ATXN7L1: variants seen among roughly 807,000 people sequenced by gnomAD.
ATXN7L1 encodes the protein ataxin 7 like 1.
ATXN7L1 carries 15 observed loss-of-function variants against 70.8 expected under a neutral mutation model. That is an observed-to-expected ratio of 0.21 (90% CI 0.14 to 0.33). The LOEUF (loss-of-function observed/expected upper bound fraction) is 0.33, where lower values mean the gene tolerates loss of function less well. ATXN7L1 is among the 10% of genes least tolerant of loss of function. The probability of loss-of-function intolerance (pLI) is 1.00; values close to 1 mark genes in which losing one functional copy is unlikely to be tolerated. For synonymous variants in ATXN7L1, 440 were observed against 445.1 expected (o/e 0.99, Z 0.14); for missense variants, 975 against 1,097.1 (o/e 0.89, Z 1.57).
chr7:105,725,141 G>A (rs144546841), intron 3 of ATXN7L1, among the ~76,000 whole-genome samples: 2,429 of 152,188 alleles, frequency 0.016, 32 homozygotes, highest in Middle Eastern at 0.062. Context: ...ATCTTTTTGG[G>A]AAGACACAAT....
intron 2 of ATXN7L1, among the ~76,000 whole-genome samples, chr7:105,868,743 A>T (rs945430529): frequency 5.9e-5 from 9 of 152,086 alleles, no homozygotes; most frequent in African/African-American, 1.4e-4. Flanking sequence ...GAACATTATT[A>T]AAAAAAATAA....
intron 3 of ATXN7L1, among the ~76,000 whole-genome samples, chr7:105,754,049 T>C (rs1799502883): frequency 6.6e-6 from 1 of 152,184 alleles, no homozygotes; most frequent in Non-Finnish European, 1.5e-5. Context: ...CATGGGAGTA[T>C]TGTATAGCAC....
chr7:105,670,217 T>C (rs965286934), intron 3 of ATXN7L1, among the ~76,000 whole-genome samples: 18 of 152,174 alleles, frequency 1.2e-4, no homozygotes, highest in Non-Finnish European at 2.6e-4. Flanking sequence ...CAGGTGAGGT[T>C]TCTCTGAGTG....
At chr7:105,847,695 G>C (rs954159524) in intron 2 of ATXN7L1, among the ~76,000 whole-genome samples, 23 of 152,308 alleles carry the variant, frequency 1.5e-4, no homozygotes, top group Admixed American at 1.3e-4. Context: ...TCTTAAAAGA[G>C]CTTCTTAATT....
At chr7:105,620,087 C>T in intron 9 of ATXN7L1, 113 bp downstream of exon 9, 1 of 1,338,690 alleles carries the variant, frequency 7.5e-7, no homozygotes, top group Non-Finnish European at 1.0e-6. Flanking sequence ...ATCCTGACTT[C>T]AGAATCATTT....
intron 3 of ATXN7L1, among the ~76,000 whole-genome samples, chr7:105,733,537 TCCACCCA>T (rs1563048539): frequency 1.2e-4 from 13 of 106,972 alleles, no homozygotes; most frequent in African/African-American, 4.1e-4. Flanking sequence ...CATCCATCCA[TCCACCCA>T]TCCATCCATC....
intron 7 of ATXN7L1, among the ~76,000 whole-genome samples, chr7:105,636,455 CA>C (rs1308628860): frequency 0.024 from 3,545 of 149,044 alleles, 99 homozygotes; most frequent in Non-Finnish European, 0.042. Context: ...CTGCCCCCCC[CA>C]CCCCCACTTC....
At chr7:105,666,021 G>A (rs73717213) in intron 3 of ATXN7L1, among the ~76,000 whole-genome samples, 2,779 of 152,308 alleles carry the variant, frequency 0.018, 104 homozygotes, top group African/African-American at 0.062. Flanking sequence ...TTCACATTCT[G>A]TTAGCCACTG....
intron 5 of ATXN7L1, among the ~76,000 whole-genome samples, chr7:105,641,634 G>A (rs1174145387): frequency 6.6e-6 from 1 of 152,252 alleles, no homozygotes; most frequent in Non-Finnish European, 1.5e-5. Flanking sequence ...GGTTTTCTGG[G>A]GATGTTGCCA....
At chr7:105,812,571 G>A (rs1808585343) in intron 2 of ATXN7L1, among the ~76,000 whole-genome samples, 1 of 152,188 alleles carries the variant, frequency 6.6e-6, no homozygotes, top group Non-Finnish European at 1.5e-5. Flanking sequence ...AAACAAAGCA[G>A]GACAGGGGCA....
At chr7:105,872,135 G>A (rs555481217) in intron 2 of ATXN7L1, among the ~76,000 whole-genome samples, 1 of 152,044 alleles carries the variant, frequency 6.6e-6, no homozygotes, top group Non-Finnish European at 1.5e-5. Context: ...TGGGACTACA[G>A]GTGCGTGCCA....
At chr7:105,736,880 T>TC (rs1228560653) in intron 3 of ATXN7L1, among the ~76,000 whole-genome samples, 1 of 152,252 alleles carries the variant, frequency 6.6e-6, no homozygotes, top group African/African-American at 2.4e-5. Context: ...AACCTTTTTT[T>TC]CTCAAAGCTT....
intron 3 of ATXN7L1, chr7:105,760,184 A>G: frequency 1.0e-6 from 1 of 983,600 alleles, no homozygotes; most frequent in African/African-American, 1.7e-5. Context: ...CATCTATCCA[A>G]CCATCCACCC....
intron 3 of ATXN7L1, chr7:105,761,505 T>A (rs752411555): frequency 6.2e-7 from 1 of 1,605,336 alleles, no homozygotes; most frequent in Non-Finnish European, 8.5e-7. Context: ...CTGAATGGTA[T>A]CAACATGGCT....
At chr7:105,652,208 G>A (rs58398965) in intron 4 of ATXN7L1, among the ~76,000 whole-genome samples, 11,276 of 152,238 alleles carry the variant, frequency 0.074, 831 homozygotes, top group East Asian at 0.32. Context: ...TGTGTCTGCA[G>A]CAGTGTAGCC....
chr7:105,871,145 AAAGG>A (rs1485949019), intron 2 of ATXN7L1, among the ~76,000 whole-genome samples: 4 of 148,058 alleles, frequency 2.7e-5, no homozygotes, highest in Non-Finnish European at 5.9e-5. Context: ...ACTGCATCTC[AAAGG>A]AAGGTACATT....
At chr7:105,782,677 C>T (rs535727781) in intron 3 of ATXN7L1, among the ~76,000 whole-genome samples, 7 of 152,322 alleles carry the variant, frequency 4.6e-5, no homozygotes, top group African/African-American at 1.7e-4. Context: ...CGGCAGGGAA[C>T]GCAGAGAGAT....
chr7:105,801,951 CG>C (rs1220625558), intron 2 of ATXN7L1, among the ~76,000 whole-genome samples: 3 of 152,150 alleles, frequency 2.0e-5, no homozygotes, highest in African/African-American at 7.2e-5. Context: ...CCAAACTCGA[CG>C]GAATGTGGCC....
At chr7:105,613,521 T>G in intron 10 of ATXN7L1, 2 of 1,212,830 alleles carry the variant, frequency 1.6e-6, no homozygotes, top group South Asian at 4.2e-5. Flanking sequence ...CCTCAAAAGA[T>G]AAAACTGACC....
Sources: allele counts gnomAD v4.1 joint callset (sites outside exome capture counted in the v4.1 genomes callset), GRCh38; gene constraint gnomAD v4.1.1; transcripts MANE v1.5; gene names NCBI Gene and HGNC (gene_info 2026-07-23, HGNC 2026-07-21).